The following SEC24C variants were observed in gnomAD, a reference collection of about 807,000 sequenced individuals.
The protein encoded by SEC24C is protein transport protein Sec24C.
A neutral mutation model predicts 117.0 loss-of-function variants in SEC24C; 22 were observed. The ratio of observed to expected loss-of-function variants is 0.19; its 90% CI spans 0.13 to 0.27. The LOEUF (loss-of-function observed/expected upper bound fraction) is 0.27, where lower values mean the gene tolerates loss of function less well. Among genes scored for constraint, SEC24C ranks in the 10% least tolerant of loss-of-function variants. SEC24C has a pLI of 1.00. For missense variants in SEC24C, 1,155 were observed against 1,375.1 expected (o/e 0.84, Z 2.53); for synonymous variants, 506 against 529.4 (o/e 0.96, Z 0.61).
Position 73,751,027 on chromosome 10 carries a change from T to C in SEC24C, c.173-81T>C. The C allele has an allele frequency of 4.7e-6, 7 of 1,500,550 alleles. 1 individual carries two copies. In the Admixed American group the frequency reaches 1.3e-4, roughly 28 times the overall value. The allele number at this position is 1,500,550 out of a possible 1,614,324, so 93.0% of individuals were successfully genotyped here. A position where few individuals can be genotyped will look rare whatever the true frequency, so the allele number is the denominator to read the frequency against. ...TGGGCCAGTGAAGGTCTGAGTTTAT[T>C]GATCCTTGCTTTGCATTCCTGGCTC... On this transcript the variant is annotated intron_variant, in intron 2 of 22. Transcript: ENST00000345254.
At chr10:73,750,988 C>A in intron 2 of SEC24C, 120 bp from the exon 3 acceptor site, 2 of 1,080,962 alleles carry the variant, frequency 1.9e-6, no homozygotes, top group Non-Finnish European at 2.7e-6. Flanking sequence ...TTTTCACTGC[C>A]TAAACTGTGG....
chr10:73,754,923 C>T (rs2082689312), intron 3 of SEC24C, among the ~76,000 whole-genome samples: 1 of 151,948 alleles, frequency 6.6e-6, no homozygotes, highest in Admixed American at 6.6e-5. Context: ...TGCTTGAGCT[C>T]AGGAGTTCGA....
At chr10:73,765,955 T>A (rs747450230) in intron 10 of SEC24C, 40 bp downstream of exon 10, 1 of 1,592,816 alleles carries the variant, frequency 6.3e-7, no homozygotes, top group Non-Finnish European at 8.6e-7. Context: ...GAGTGGAGGA[T>A]AATGAGACAG....
intron 2 of SEC24C, 30 bp from the exon 3 acceptor site, chr10:73,751,078 A>G (rs914540297): frequency 6.2e-7 from 1 of 1,600,552 alleles, no homozygotes; most frequent in East Asian, 2.2e-5. Context: ...GTTATTTCCC[A>G]ATCACTTAGT....
chr10:73,744,615 C>T (rs1176848188), intron 1 of SEC24C, among the ~76,000 whole-genome samples, 178 bp downstream of exon 1: 1 of 152,190 alleles, frequency 6.6e-6, no homozygotes, highest in Non-Finnish European at 1.5e-5. Flanking sequence ...ATCCCTTCGT[C>T]TCCCGGCCCA....
At chr10:73,750,990 A>C in intron 2 of SEC24C, 118 bp from the exon 3 acceptor site, 1 of 1,083,338 alleles carries the variant, frequency 9.2e-7, no homozygotes, top group Non-Finnish European at 1.3e-6. Flanking sequence ...TTCACTGCCT[A>C]AACTGTGGTA....
At chr10:73,757,360 T>TAA (rs147636644) in intron 3 of SEC24C, among the ~76,000 whole-genome samples, 35 of 137,652 alleles carry the variant, frequency 2.5e-4, no homozygotes, top group South Asian at 6.9e-4. Flanking sequence ...CCTGTCGCTA[T>TAA]AAAAAAAAAA....
intron 6 of SEC24C, among the ~76,000 whole-genome samples, 176 bp downstream of exon 6, chr10:73,761,025 TG>T (rs1166521203): frequency 2.6e-5 from 4 of 152,164 alleles, no homozygotes; most frequent in Non-Finnish European, 5.9e-5. Flanking sequence ...AGGAGTCTTT[TG>T]GGGGGCTGTT....
chr10:73,762,013 G>A, intron 6 of SEC24C: 2 of 905,500 alleles, frequency 2.2e-6, no homozygotes, highest in African/African-American at 1.7e-5. Context: ...AACTCAACAG[G>A]GTTGAGAGAA....
intron 2 of SEC24C, among the ~76,000 whole-genome samples, chr10:73,747,224 T>G (rs916915551): frequency 3.3e-5 from 5 of 152,204 alleles, no homozygotes; most frequent in Non-Finnish European, 5.9e-5. Context: ...GCTCTGTCAC[T>G]CATGCTGGAT....
intron 14 of SEC24C, among the ~76,000 whole-genome samples, chr10:73,767,378 AG>A (rs761458866): frequency 7.2e-5 from 11 of 152,202 alleles, no homozygotes; most frequent in Non-Finnish European, 1.2e-4. Context: ...TTTTTAAAGA[AG>A]AACTTTTGGC....
intron 1 of SEC24C, among the ~76,000 whole-genome samples, chr10:73,746,304 A>AG (rs1207132306): frequency 6.6e-6 from 1 of 151,982 alleles, no homozygotes; most frequent in East Asian, 1.9e-4. Context: ...TTTGTCATTG[A>AG]GGGGGAAGGA....
intron 3 of SEC24C, among the ~76,000 whole-genome samples, chr10:73,754,092 A>C (rs1004076951): frequency 6.6e-6 from 1 of 152,138 alleles, no homozygotes; most frequent in Non-Finnish European, 1.5e-5. Context: ...TGTATTAGGT[A>C]TTATAAGTAA....
intron 3 of SEC24C, among the ~76,000 whole-genome samples, chr10:73,755,334 G>GA (rs2082694509): frequency 6.6e-6 from 1 of 152,110 alleles, no homozygotes; most frequent in African/African-American, 2.4e-5. Context: ...GGCGTCATTG[G>GA]TAAAGGCAGT....
chr10:73,748,298 G>A (rs539950547), intron 2 of SEC24C, among the ~76,000 whole-genome samples: 251 of 151,432 alleles, frequency 1.7e-3, no homozygotes, highest in African/African-American at 5.9e-3. Context: ...ACCATGCCCG[G>A]CATTTTTTGT....
intron 6 of SEC24C, chr10:73,761,996 C>A: frequency 1.4e-6 from 1 of 740,250 alleles, no homozygotes; most frequent in Non-Finnish European, 2.0e-6. Flanking sequence ...TCCAGCTGTT[C>A]ATGTCTAACT....
intron 3 of SEC24C, among the ~76,000 whole-genome samples, chr10:73,752,676 G>C (rs1210532600): frequency 6.6e-6 from 1 of 151,898 alleles, no homozygotes; most frequent in Admixed American, 6.6e-5. Context: ...ACATTGGTCC[G>C]TGCTGGGTGC....
Position 73,770,717 on chromosome 10 carries a change from G to A in SEC24C, c.3063G>A (p.Leu1021=), listed in dbSNP as rs1262441806. The A allele has an allele frequency of 6.2e-7, 1 of 1,614,070 alleles. No individual in the cohort carries two copies. Among genetic ancestry groups the A allele is most frequent in the East Asian group, 2.2e-5 (1 of 44,884 alleles). ...TGAATTTTGTGTTCTAGAGTGTTCT[G>A]CCAGTTCTGGATAATCCACTGTCCA... ...FSQITSGLSV[L]PVLDNPLSKK... The change falls in exon 22 of 23, where the codon CTG becomes CTA. Residue 1021 remains leucine, a synonymous_variant. Transcript: ENST00000345254.
Position 73,769,236 on chromosome 10 carries a change from A to G in SEC24C, c.2424+84A>G. On this transcript the variant is annotated intron_variant, in intron 17 of 22. Coordinates refer to ENST00000345254, the MANE Select transcript of SEC24C (RefSeq NM_198597.3). The surrounding 1 kb of genome is among the most constrained non-coding windows in gnomAD (Gnocchi z 4.5). ...GGTGAGGAATGGGTAGAGAGCACTA[A>G]AAGAAGAGACAGGGCACGGGAGTGG... The G allele has an allele frequency of 1.3e-6, 2 of 1,590,850 alleles. No individual in the cohort carries two copies. Among genetic ancestry groups the G allele is most frequent in the Non-Finnish European group, 8.6e-7 (1 of 1,167,198 alleles).
Sources: allele counts gnomAD v4.1 joint callset (sites outside exome capture counted in the v4.1 genomes callset), GRCh38; gene constraint gnomAD v4.1.1; non-coding constraint Gnocchi (gnomAD v3.1); transcripts MANE v1.5; gene names NCBI Gene and HGNC (gene_info 2026-07-23, HGNC 2026-07-21).